LMTK2: variants seen among roughly 807,000 people sequenced by gnomAD.
The protein encoded by LMTK2 is lemur tail kinase 2.
A neutral mutation model predicts 127.5 loss-of-function variants in LMTK2; 37 were observed. The ratio of observed to expected loss-of-function variants is 0.29; its 90% CI spans 0.22 to 0.38. LMTK2 has a LOEUF of 0.38. Among genes scored for constraint, LMTK2 ranks in the 10% least tolerant of loss-of-function variants. The probability of loss-of-function intolerance (pLI) is 1.00; values close to 1 mark genes in which losing one functional copy is unlikely to be tolerated. For synonymous variants in LMTK2, 819 were observed against 810.1 expected (o/e 1.01, Z -0.19); for missense variants, 1,694 against 1,920.3 (o/e 0.88, Z 2.20).
At chr7:98,130,321 A>G (rs1171397233) in intron 1 of LMTK2, among the ~76,000 whole-genome samples, 1 of 152,156 alleles carries the variant, frequency 6.6e-6, no homozygotes, top group Non-Finnish European at 1.5e-5. Flanking sequence ...AGGAAAGGAT[A>G]TAGCACCTTT....
chr7:98,137,787 G>A (rs1459900830), intron 2 of LMTK2, among the ~76,000 whole-genome samples: 1 of 152,222 alleles, frequency 6.6e-6, no homozygotes, highest in Non-Finnish European at 1.5e-5. Context: ...GTGAGTTGAG[G>A]TTCTTGCTGA....
chr7:98,192,207 G>A lies in LMTK2; in HGVS notation c.1742G>A (p.Arg581Lys). Residue 581 changes from arginine (R) to lysine (K), a missense_variant, in exon 11 of 14, where the codon AGG (arginine) becomes AAG (lysine). Arg to Lys is a conservative substitution (Grantham distance 26, BLOSUM62 2). Around this residue, in one of 8 missense-constraint regions of LMTK2, gnomAD observed 527 missense variants for 539.8 expected, o/e 0.98. Coordinates refer to ENST00000297293, the MANE Select transcript of LMTK2 (RefSeq NM_014916.4). ...LLTTDMDNPE[R>K]TGPELSQLTA... is the part of the protein sequence containing the mutation. ...ACAACCGACATGGATAATCCAGAAAGGACTGGCCCTGAACTGTCCCAGCTC... is the reference window on the plus strand; with the variant it reads ...ACAACCGACATGGATAATCCAGAAAAGACTGGCCCTGAACTGTCCCAGCTC... 5.2e-6 allele frequency: 8 copies of A among 1,524,230 alleles called. No homozygotes were observed. Among genetic ancestry groups the A allele is most frequent in the Middle Eastern group, 1.8e-4 (1 of 5,616 alleles). The allele number at this position is 1,524,230 out of a possible 1,614,324, so 94.4% of individuals were successfully genotyped here. A position where few individuals can be genotyped will look rare whatever the true frequency, so the allele number is the denominator to read the frequency against.
chr7:98,139,395 G>A (rs960596500), intron 2 of LMTK2, among the ~76,000 whole-genome samples: 13 of 152,254 alleles, frequency 8.5e-5, no homozygotes, highest in African/African-American at 2.6e-4. Context: ...GATTACAGGC[G>A]TGAGCCACCG....
In LMTK2 at chr7:98,151,419, C is replaced by G; in HGVS notation, c.414C>G (p.Asn138Lys). Residue 138 changes from asparagine (N) to lysine (K), a missense_variant, in exon 4 of 14, where the codon AAC becomes AAG. Physicochemically the swap from Asn to Lys is moderately conservative, Grantham distance 94. Around this residue, in one of 8 missense-constraint regions of LMTK2, gnomAD observed 203 missense variants for 226.2 expected, o/e 0.90. Transcript: ENST00000297293. ...LKSQVARHSL[N>K]YIQEIGNGWF... is the part of the protein sequence containing the mutation. ...CTCAAGTTGCCCGCCACAGTCTAAA[C>G]TACATACAGGAAATTGGAAATGGCT... The G allele has an allele frequency of 6.2e-7, 1 of 1,613,892 alleles. No individual in the cohort carries two copies. Among genetic ancestry groups the G allele is most frequent in the Non-Finnish European group, 8.5e-7 (1 of 1,179,814 alleles).
chr7:98,122,677 G>GGTGT (rs1192444903), intron 1 of LMTK2, among the ~76,000 whole-genome samples: 11 of 108,236 alleles, frequency 1.0e-4, no homozygotes, highest in African/African-American at 3.4e-4. Flanking sequence ...AACTCTACAT[G>GGTGT]GTGTGTGTGT....
At chr7:98,131,985 G>A (rs1046168025) in intron 1 of LMTK2, among the ~76,000 whole-genome samples, 10 of 152,188 alleles carry the variant, frequency 6.6e-5, no homozygotes, top group Admixed American at 6.5e-4. Context: ...ATTGATAGGA[G>A]GTTTGAAACA....
At chr7:98,140,152 CTTTTCTTTT>C (rs1796666617) in intron 2 of LMTK2, among the ~76,000 whole-genome samples, 1 of 59,162 alleles carries the variant, frequency 1.7e-5, no homozygotes, top group Non-Finnish European at 2.6e-5. Flanking sequence ...CTTTTCTTTT[CTTTTCTTTT>C]CTTTTCTTTT....
intron 1 of LMTK2, among the ~76,000 whole-genome samples, chr7:98,114,320 G>A (rs1322161542): frequency 6.7e-6 from 1 of 150,066 alleles, no homozygotes; most frequent in African/African-American, 2.5e-5. Context: ...ATTCACTGCA[G>A]TCTCTACTTC....
At chr7:98,141,631 C>T (rs1331656081) in intron 3 of LMTK2, 90 bp downstream of exon 3, 1 of 1,235,374 alleles carries the variant, frequency 8.1e-7, no homozygotes, top group East Asian at 2.3e-5. Context: ...TTGGACTGCC[C>T]ATCTCCTCTT....
In LMTK2 at chr7:98,159,360, C is replaced by G. The variant is rs746706916; in HGVS notation, c.592C>G (p.Leu198Val). 27 of 1,604,690 alleles carry G rather than the reference C, an allele frequency of 1.7e-5. No individual in the cohort carries two copies. The highest frequency in any genetic ancestry group is 2.7e-5 in the African/African-American group (2 of 74,530). The stretch of plus-strand genomic sequence containing the variant: ...CAGCATTCTTCAGCATCCAAATATT[C>G]TTCAGTGTGTTGGACAGTGCGTAGA... ...PYYILQHPNI[L>V]QCVGQCVEAI... is the part of the protein sequence containing the mutation. The change falls in exon 6 of 14, where the codon CTT becomes GTT. Residue 198 changes from leucine (L) to valine (V), a missense_variant. Transcript: ENST00000297293.
chr7:98,194,020 T>A lies in LMTK2; in HGVS notation c.3555T>A (p.Thr1185=). 6.2e-7 allele frequency: 1 copy of A among 1,614,132 alleles called. No homozygotes were observed. Among genetic ancestry groups the A allele is most frequent in the Non-Finnish European group, 8.5e-7 (1 of 1,180,034 alleles). ...ELRATPEPAQ[T]GVPQQVHPTE... The stretch of plus-strand genomic sequence containing the variant: ...GAGCCACGCCGGAGCCAGCACAGAC[T>A]GGTGTTCCCCAGCAGGTGCATCCCA... Residue 1185 remains threonine (T), a synonymous_variant, in exon 11 of 14, where the codon ACT becomes ACA. Coordinates refer to ENST00000297293, the MANE Select transcript of LMTK2 (RefSeq NM_014916.4). This position sits in a 1 kb window ranked among gnomAD's most constrained non-coding sequence, Gnocchi z 5.4.
chr7:98,163,230 T>A (rs73710382), intron 6 of LMTK2, among the ~76,000 whole-genome samples: 1 of 152,142 alleles, frequency 6.6e-6, no homozygotes, highest in East Asian at 1.9e-4. Context: ...GCAAGAAGAA[T>A]GTACTTAACT....
chr7:98,170,102 A>G (rs755369915), intron 6 of LMTK2, among the ~76,000 whole-genome samples: 1 of 152,228 alleles, frequency 6.6e-6, no homozygotes, highest in South Asian at 2.1e-4. Context: ...CTAGTTGGTA[A>G]GCCGAAAAGT....
chr7:98,135,628 G>A (rs1321988956), intron 1 of LMTK2, among the ~76,000 whole-genome samples: 1 of 152,042 alleles, frequency 6.6e-6, no homozygotes, highest in Non-Finnish European at 1.5e-5. Flanking sequence ...CCATAGATGA[G>A]GATTTTAAGG....
At position 98,206,736 on chromosome 7, in the gene LMTK2, TCTC is replaced by T. The variant is rs1259729034; in HGVS notation, c.*1249_*1251del. The T allele has an allele frequency of 1.3e-5, 2 of 152,102 alleles. No homozygotes were observed. Among genetic ancestry groups the T allele is most frequent in the East Asian group, 1.9e-4 (1 of 5,182 alleles). 9.4% of individuals were successfully genotyped at this position (152,102 alleles called of 1,614,324 possible). ...TAAAAAAACCTCCACAGCCGAATCT[TCTC>T]CTCCGAGCCACTCCACGTCACGTCC... On this transcript the variant is annotated 3_prime_UTR_variant, in exon 14 of 14. Transcript: ENST00000297293.
At chr7:98,122,048 A>G (rs1796369363) in intron 1 of LMTK2, among the ~76,000 whole-genome samples, 1 of 152,216 alleles carries the variant, frequency 6.6e-6, no homozygotes, top group Admixed American at 6.5e-5. Flanking sequence ...GTTTCTACCT[A>G]TGAGATGACA....
chr7:98,192,601 T>C lies in LMTK2; in HGVS notation c.2136T>C (p.Asp712=), dbSNP rs758045785. 3.1e-6 allele frequency: 5 copies of C among 1,613,336 alleles called. No individual in the cohort carries two copies. Among genetic ancestry groups the C allele is most frequent in the Non-Finnish European group, 4.2e-6 (5 of 1,179,890 alleles). ...SDNLMHQDNF[D]PLNVQELSEN... The stretch of plus-strand genomic sequence containing the variant: ...ATCTTATGCACCAAGATAATTTTGA[T>C]CCATTGAATGTTCAAGAATTGTCAG... The change falls in exon 11 of 14, where the codon GAT becomes GAC. Residue 712 remains aspartate, a synonymous_variant. Transcript: ENST00000297293.
intron 4 of LMTK2, among the ~76,000 whole-genome samples, chr7:98,153,558 T>A (rs766508144): frequency 6.7e-4 from 102 of 152,280 alleles, no homozygotes; most frequent in Admixed American, 1.8e-3. Flanking sequence ...TAGACAACCC[T>A]CTTGAAGAGT....
Position 98,185,103 on chromosome 7 carries a change from G to C in LMTK2, c.844G>C (p.Gly282Arg). 1 of 1,612,440 alleles carries C rather than the reference G, an allele frequency of 6.2e-7. No individual in the cohort carries two copies. Among genetic ancestry groups the C allele is most frequent in the South Asian group, 1.1e-5 (1 of 90,958 alleles). Residue 282 changes from glycine (G) to arginine (R), a missense_variant, in exon 8 of 14, where the codon GGA becomes CGA. Coordinates refer to ENST00000297293, the MANE Select transcript of LMTK2 (RefSeq NM_014916.4). ...FLTSDLNVKV[G>R]DYGIGFSRYK... Reference sequence around the variant, plus strand: ...CACCTCCGACTTAAATGTGAAAGTGGGAGATTACGGAATAGGATTCAGCAG... The same window carrying C: ...CACCTCCGACTTAAATGTGAAAGTGCGAGATTACGGAATAGGATTCAGCAG...
Sources: allele counts gnomAD v4.1 joint callset (sites outside exome capture counted in the v4.1 genomes callset), GRCh38; gene constraint gnomAD v4.1.1; regional missense constraint gnomAD v4.1.1; non-coding constraint Gnocchi (gnomAD v3.1); transcripts MANE v1.5; gene names NCBI Gene and HGNC (gene_info 2026-07-23, HGNC 2026-07-21).